Variants in GRIN2A observed in about 807,000 individuals in gnomAD.
GRIN2A encodes the protein glutamate receptor ionotropic, NMDA 2A.
In GRIN2A, 22 loss-of-function variants were observed where a neutral mutation model predicts 113.4. The ratio of observed to expected loss-of-function variants is 0.19; its 90% confidence interval spans 0.14 to 0.28. The LOEUF (loss-of-function observed/expected upper bound fraction) is 0.28. Ranked by LOEUF, GRIN2A falls within the 10% of genes least tolerant of loss-of-function variation. The pLI is 1.00. For synonymous variants in GRIN2A, 827 were observed against 738.4 expected, an observed-to-expected ratio of 1.12 and a Z score of -1.94; for missense variants, 1,502 against 1,887.0, an observed-to-expected ratio of 0.80 and a Z score of 3.78.
chr16:9,892,667 C>G (rs972618530), intron 3 of GRIN2A, among the ~76,000 whole-genome samples: 1 of 152,160 alleles, frequency 6.6e-6, no homozygotes, highest in Non-Finnish European at 1.5e-5. Flanking sequence ...TCAAAGCCAC[C>G]TTGGCCTGTA....
chr16:9,897,661 T>A (rs1224995111), intron 3 of GRIN2A, among the ~76,000 whole-genome samples: 1 of 152,220 alleles, frequency 6.6e-6, no homozygotes, highest in Admixed American at 6.5e-5. Context: ...GCATGTTGGG[T>A]TAAATAAAAT....
chr16:9,964,788 A>T (rs2045518371), intron 2 of GRIN2A, among the ~76,000 whole-genome samples: 1 of 152,162 alleles, frequency 6.6e-6, no homozygotes, highest in African/African-American at 2.4e-5. Context: ...ATCCAGGATC[A>T]TCCGAATCTC....
intron 2 of GRIN2A, among the ~76,000 whole-genome samples, chr16:10,133,976 C>T (rs1450143069): frequency 6.6e-6 from 1 of 151,940 alleles, no homozygotes; most frequent in African/African-American, 2.4e-5. Context: ...TGAGCCCAGA[C>T]ATTGGAGACC....
chr16:10,008,957 A>G (rs1200401400), intron 2 of GRIN2A, among the ~76,000 whole-genome samples: 1 of 152,244 alleles, frequency 6.6e-6, no homozygotes, highest in Non-Finnish European at 1.5e-5. Context: ...TTGGAGATTT[A>G]GCAGTAAACA....
intron 2 of GRIN2A, among the ~76,000 whole-genome samples, chr16:9,973,268 G>C (rs900550826): frequency 6.6e-6 from 1 of 152,150 alleles, no homozygotes; most frequent in South Asian, 2.1e-4. Flanking sequence ...GGCAGGAAGG[G>C]TGTTTGTTTT....
At chr16:9,790,126 A>G (rs1249273037) in intron 11 of GRIN2A, among the ~76,000 whole-genome samples, 2 of 152,166 alleles carry the variant, frequency 1.3e-5, no homozygotes, top group Non-Finnish European at 2.9e-5. Flanking sequence ...AGCAAGGCTC[A>G]TTCTACTGGA....
intron 7 of GRIN2A, among the ~76,000 whole-genome samples, chr16:9,839,729 A>G (rs1356704252): frequency 6.6e-6 from 1 of 152,132 alleles, no homozygotes; most frequent in Non-Finnish European, 1.5e-5. Flanking sequence ...TAAGCAATAT[A>G]TCTATTAATT....
At chr16:9,813,646 C>T (rs371499530) in intron 10 of GRIN2A, among the ~76,000 whole-genome samples, 32 of 148,116 alleles carry the variant, frequency 2.2e-4, no homozygotes, top group South Asian at 8.5e-4. Flanking sequence ...AATCCTTTAA[C>T]GTTGTTTTAA....
chr16:9,967,237 T>C (rs940613980), intron 2 of GRIN2A, among the ~76,000 whole-genome samples: 1 of 152,312 alleles, frequency 6.6e-6, no homozygotes. Context: ...ATGTGGTAGA[T>C]ATACACCACG....
intron 2 of GRIN2A, among the ~76,000 whole-genome samples, chr16:10,145,691 T>C (rs1273525349): frequency 6.6e-6 from 1 of 152,232 alleles, no homozygotes; most frequent in East Asian, 1.9e-4. Flanking sequence ...CAGCATGCTT[T>C]TCTGTAAAGG....
chr16:10,035,619 G>A (rs1239748058), intron 2 of GRIN2A, among the ~76,000 whole-genome samples: 4 of 152,102 alleles, frequency 2.6e-5, no homozygotes, highest in Admixed American at 6.6e-5. Flanking sequence ...TGGAGTCACC[G>A]ACCAGGAGAT....
chr16:9,988,084 T>TA (rs2046013469), intron 2 of GRIN2A, among the ~76,000 whole-genome samples: 1 of 152,064 alleles, frequency 6.6e-6, no homozygotes, highest in African/African-American at 2.4e-5. Flanking sequence ...CCAAAGCCCA[T>TA]ATGGCTTCCA....
rs2043022331 is a variant in GRIN2A at position 9,859,368 on chromosome 16, T to C, written c.1123-9407A>G. On this transcript the variant is annotated intron_variant, in intron 4 of 12. Coordinates refer to ENST00000330684, the MANE Select transcript of GRIN2A (RefSeq NM_001134407.3). ...CGTGCATACATAAGTGTCTGATACA[T>C]AAGTGTCCAGTGAATGTCAGTTTTT... Among the ~76,000 whole-genome samples the C allele has an allele frequency of 3.9e-5, 6 of 152,124 alleles. No homozygotes were observed. In the South Asian group the frequency reaches 1.2e-3, roughly 32 times the overall value.
chr16:9,948,264 A>C (rs1184513768), intron 2 of GRIN2A, among the ~76,000 whole-genome samples: 2 of 152,198 alleles, frequency 1.3e-5, no homozygotes, highest in Admixed American at 6.5e-5. Flanking sequence ...CCCATTCTAC[A>C]GTTAAGGAAG....
intron 2 of GRIN2A, among the ~76,000 whole-genome samples, chr16:10,069,793 T>C (rs925833092): frequency 2.0e-5 from 3 of 152,212 alleles, no homozygotes; most frequent in South Asian, 2.1e-4. Context: ...CATACAGCCA[T>C]ACAGGGTCCA....
chr16:9,904,131 G>T (rs1276453987), intron 3 of GRIN2A, among the ~76,000 whole-genome samples: 1 of 152,210 alleles, frequency 6.6e-6, no homozygotes, highest in Non-Finnish European at 1.5e-5. Context: ...GTCAATGGGG[G>T]TAAGGCCGCT....
intron 2 of GRIN2A, among the ~76,000 whole-genome samples, chr16:9,968,775 T>G (rs1024296826): frequency 6.6e-6 from 1 of 152,052 alleles, no homozygotes; most frequent in South Asian, 2.1e-4. Context: ...ACCCAGCTAA[T>G]TTTGTAATTT....
At chr16:9,881,726 CAT>C (rs2141455859) in intron 4 of GRIN2A, among the ~76,000 whole-genome samples, 1 of 152,248 alleles carries the variant, frequency 6.6e-6, no homozygotes, top group African/African-American at 2.4e-5. Context: ...GAAAACACAC[CAT>C]GAGCTCTCAG....
chr16:9,939,638 T>C (rs541379469), intron 2 of GRIN2A, among the ~76,000 whole-genome samples: 1 of 152,276 alleles, frequency 6.6e-6, no homozygotes, highest in African/African-American at 2.4e-5. Flanking sequence ...AAAGTTGGTA[T>C]TGCTGGCAGG....
Sources: allele counts gnomAD v4.1 joint callset (sites outside exome capture counted in the v4.1 genomes callset), GRCh38; gene constraint gnomAD v4.1.1; transcripts MANE v1.5; gene names NCBI Gene and HGNC (gene_info 2026-07-23, HGNC 2026-07-21).